The following MRPS27 variants were observed in gnomAD, a reference collection of about 807,000 sequenced individuals.
MRPS27 encodes the protein mitochondrial ribosomal protein S27, also known as small ribosomal subunit protein mS27.
MRPS27 carries 43 observed loss-of-function variants against 48.9 expected under a neutral mutation model. The ratio of observed to expected loss-of-function variants is 0.88; its 90% CI spans 0.69 to 1.13. The LOEUF (loss-of-function observed/expected upper bound fraction) is 1.13, where lower values mean the gene tolerates loss of function less well. Ranked by LOEUF, MRPS27 falls within the 50% of genes most tolerant of loss-of-function variation. The pLI is 0.00. For missense variants in MRPS27, 467 were observed against 476.3 expected (o/e 0.98, Z 0.18); for synonymous variants, 188 against 171.9 (o/e 1.09, Z -0.73).
chr5:72,281,584 C>A (rs1182310796), intron 4 of MRPS27, among the ~76,000 whole-genome samples: 4 of 152,088 alleles, frequency 2.6e-5, no homozygotes, highest in African/African-American at 4.8e-5. Context: ...TGGGACAGGC[C>A]TTAAAACACA....
chr5:72,241,797 C>T, intron 4 of MRPS27: 2 of 1,035,528 alleles, frequency 1.9e-6, no homozygotes, highest in Admixed American at 2.1e-5. Context: ...ACCAGCCTGG[C>T]AGATTACAGC....
chr5:72,237,692 C>T (rs2111960204), intron 5 of MRPS27, among the ~76,000 whole-genome samples: 1 of 152,132 alleles, frequency 6.6e-6, no homozygotes, highest in South Asian at 2.1e-4. Context: ...TGTTTTTCCC[C>T]TATACTTCAC....
chr5:72,272,201 G>A (rs148115197), intron 4 of MRPS27, among the ~76,000 whole-genome samples: 31 of 152,260 alleles, frequency 2.0e-4, no homozygotes, highest in African/African-American at 7.2e-4. Context: ...TGTGAGCCAA[G>A]AATCGTTTTT....
At chr5:72,308,435 G>A (rs1057259863) in intron 2 of MRPS27, among the ~76,000 whole-genome samples, 2 of 152,220 alleles carry the variant, frequency 1.3e-5, no homozygotes, top group African/African-American at 2.4e-5. Flanking sequence ...CAGCGAGCCC[G>A]CTTTGAGCAC....
At chr5:72,247,237 G>A (rs942961881) in intron 4 of MRPS27, among the ~76,000 whole-genome samples, 2 of 152,088 alleles carry the variant, frequency 1.3e-5, no homozygotes, top group Non-Finnish European at 2.9e-5. Context: ...CAGCTTACGG[G>A]CCAAACAAAA....
intron 4 of MRPS27, among the ~76,000 whole-genome samples, chr5:72,262,927 G>A (rs1282188169): frequency 6.6e-6 from 1 of 152,044 alleles, no homozygotes; most frequent in Admixed American, 6.6e-5. Context: ...TGTATCCCAT[G>A]CCCAGCCCCA....
chr5:72,290,116 T>C (rs949276534), intron 4 of MRPS27, among the ~76,000 whole-genome samples: 1 of 152,180 alleles, frequency 6.6e-6, no homozygotes, highest in East Asian at 1.9e-4. Flanking sequence ...TGCTGTTTTA[T>C]CTCCTGAAAA....
chr5:72,260,456 A>G (rs1748935023), intron 4 of MRPS27, among the ~76,000 whole-genome samples: 1 of 152,192 alleles, frequency 6.6e-6, no homozygotes, highest in South Asian at 2.1e-4. Context: ...TTCAACCTAC[A>G]GACTCCTAAT....
intron 2 of MRPS27, among the ~76,000 whole-genome samples, chr5:72,310,259 C>T (rs1159850249): frequency 6.6e-6 from 1 of 152,142 alleles, no homozygotes. Flanking sequence ...CACCTAGCAC[C>T]TAGATCTTGG....
At chr5:72,303,891 A>C (rs1375645926) in intron 2 of MRPS27, among the ~76,000 whole-genome samples, 1 of 151,078 alleles carries the variant, frequency 6.6e-6, no homozygotes, top group East Asian at 1.9e-4. Context: ...TCAAAAAAAA[A>C]AAAAAAAAAA....
At position 72,238,110 on chromosome 5, in the gene MRPS27, G is replaced by A. The variant is rs1414037775; in HGVS notation, c.300C>T (p.Asn100=). The A allele has an allele frequency of 6.2e-7, 1 of 1,613,404 alleles. No individual in the cohort carries two copies. The change falls in exon 5 of 11, where the codon AAC becomes AAT. Residue 100 remains asparagine (N), a synonymous_variant. Coordinates refer to ENST00000261413, the MANE Select transcript of MRPS27 (RefSeq NM_015084.3). ...TAGTCCAGTTTCTCAGGTACCAGCA[G>A]TTGGGGCTGTGTCGAAACCTAAATA... ...YYLYKFRHSP[N]CWYLRNWTIH... is the part of the protein sequence containing the mutation.
At chr5:72,280,470 GA>G (rs201059325) in intron 4 of MRPS27, among the ~76,000 whole-genome samples, 1 of 151,864 alleles carries the variant, frequency 6.6e-6, no homozygotes, top group Non-Finnish European at 1.5e-5. Context: ...TTAAAAATAT[GA>G]AAAAAATGTA....
intron 7 of MRPS27, 25 bp from the exon 8 acceptor site, chr5:72,228,393 G>A (rs1747956257): frequency 1.8e-5 from 28 of 1,531,452 alleles, no homozygotes; most frequent in Non-Finnish European, 2.4e-5. Context: ...ACTGGATCAT[G>A]ATCCATCTAA....
chr5:72,302,015 T>G (rs544216508), intron 2 of MRPS27, among the ~76,000 whole-genome samples: 1 of 152,366 alleles, frequency 6.6e-6, no homozygotes, highest in Admixed American at 6.5e-5. Flanking sequence ...TGCTTGCTAT[T>G]CAGCTCCTCA....
At position 72,224,342 on chromosome 5, in the gene MRPS27, T is replaced by C. The variant is rs569789937; in HGVS notation, c.838-492A>G. ...TCACTGCACTCCAGCCTGGGTGACA[T>C]AGTGAGACCCTGTCTCAAAGACAAA... On this transcript the variant is annotated intron_variant, in intron 9 of 10. Coordinates refer to ENST00000261413, the MANE Select transcript of MRPS27 (RefSeq NM_015084.3). Among the ~76,000 whole-genome samples the C allele has an allele frequency of 5.3e-5, 8 of 152,208 alleles. No individual in the cohort carries two copies. The South Asian group carries it at 1.2e-3, about 24-fold the overall frequency.
intron 4 of MRPS27, among the ~76,000 whole-genome samples, chr5:72,285,538 T>C (rs1749649617): frequency 6.6e-6 from 1 of 152,208 alleles, no homozygotes; most frequent in African/African-American, 2.4e-5. Flanking sequence ...GGTCTTGCTC[T>C]AGTACTCAGG....
chr5:72,315,248 T>C lies in MRPS27; in HGVS notation c.74-1090A>G, dbSNP rs998818138. Among the ~76,000 whole-genome samples the C allele has an allele frequency of 2.0e-5, 3 of 149,576 alleles. No individual in the cohort carries two copies. The East Asian group carries it at 5.9e-4, about 29-fold the overall frequency. On this transcript the variant is annotated intron_variant, in intron 1 of 10. Transcript: ENST00000261413. ...TTCAATAAATCTTACAACTCAAAAA[T>C]AAAAAAAAAGACAACCCAAATGAAT...
Position 72,221,137 on chromosome 5 carries a change from A to G in MRPS27, c.1017T>C (p.Ser339=), listed in dbSNP as rs1419655893. 2 of 1,614,000 alleles carry G rather than the reference A, an allele frequency of 1.2e-6. No homozygotes were observed. The highest frequency in any genetic ancestry group is 1.7e-5 in the Admixed American group (1 of 59,994). Residue 339 remains serine, a synonymous_variant, in exon 11 of 11, where the codon TCT becomes TCC. Transcript: ENST00000261413. ...CAATTTTGCCCAGAGCTTGAAGCTT[A>G]GAATGTAAGGCCTGTTGGAAACAAA... ...QYLERFKALH[S]KLQALGKIES...
At chr5:72,225,668 G>T (rs1747873894) in intron 9 of MRPS27, among the ~76,000 whole-genome samples, 1 of 152,174 alleles carries the variant, frequency 6.6e-6, no homozygotes, top group South Asian at 2.1e-4. Context: ...TTCATTTCTT[G>T]AGGACTTTTA....
Sources: gnomAD v4.1 joint callset for allele counts (sites outside exome capture counted in the v4.1 genomes callset) on GRCh38, gnomAD v4.1.1 for gene constraint, MANE v1.5 for transcripts, NCBI Gene and HGNC (gene_info 2026-07-23, HGNC 2026-07-21) for gene names.